PHTF2: variants seen among roughly 807,000 people sequenced by gnomAD.
PHTF2 encodes protein PHTF2.
Under a neutral mutation model 101.2 loss-of-function variants are expected in PHTF2, and 60 were observed. That is an observed-to-expected ratio of 0.59 (90% CI 0.48 to 0.73). The LOEUF (loss-of-function observed/expected upper bound fraction) is 0.73, where lower values mean the gene tolerates loss of function less well. Ranked by LOEUF, PHTF2 falls within the 30% of genes least tolerant of loss-of-function variation. The pLI, the probability that PHTF2 is intolerant of heterozygous loss-of-function variation, is 0.00. For synonymous variants in PHTF2, 311 were observed against 307.3 expected, an observed-to-expected ratio of 1.01 and a Z score of -0.13; for missense variants, 747 against 908.7, an observed-to-expected ratio of 0.82 and a Z score of 2.29.
intron 1 of PHTF2, among the ~76,000 whole-genome samples, chr7:77,824,430 G>A (rs1463031714): frequency 4.6e-5 from 7 of 152,094 alleles, no homozygotes; most frequent in Admixed American, 2.0e-4. Context: ...GCTGTTGTTA[G>A]TTTAGAATCT....
At chr7:77,896,046 T>G (rs1800845877) in intron 5 of PHTF2, 1 of 152,208 alleles carries the variant, frequency 6.6e-6, no homozygotes, top group African/African-American at 2.4e-5. Flanking sequence ...TCATTATTTT[T>G]TTTTCCTTTT....
intron 5 of PHTF2, chr7:77,895,157 T>G (rs1302859980): frequency 1.1e-5 from 5 of 455,922 alleles, no homozygotes; most frequent in Non-Finnish European, 2.2e-5. Flanking sequence ...GGAGGGACAT[T>G]TGAGAGTTCT....
intron 3 of PHTF2, among the ~76,000 whole-genome samples, chr7:77,856,702 T>C (rs1797213408): frequency 6.6e-6 from 1 of 152,160 alleles, no homozygotes; most frequent in Non-Finnish European, 1.5e-5. Flanking sequence ...CTTGCCGTTA[T>C]TCCCTAAACA....
rs566700053 is a variant in PHTF2, at chr7:77,821,444, C to T, written c.-35-18777C>T. 3.3e-5 allele frequency among the ~76,000 whole-genome samples: 5 copies of T among 152,138 alleles called. No individual in the cohort carries two copies. In the East Asian group the frequency reaches 9.7e-4, roughly 30 times the overall value. ...TATGTTTCCTTACCTTTTCCCTTCT[C>T]TTCTGCTTGGCTGGCCTGTGGATGT... is the stretch of plus-strand genomic sequence containing the variant. On this transcript the variant is annotated intron_variant, in intron 1 of 19. Coordinates refer to ENST00000416283, the Ensembl canonical transcript of PHTF2.
At chr7:77,836,734 T>C (rs546615020) in intron 1 of PHTF2, among the ~76,000 whole-genome samples, 120 of 151,410 alleles carry the variant, frequency 7.9e-4, no homozygotes, top group African/African-American at 2.7e-3. Flanking sequence ...AACCAAATGC[T>C]GCATGTTCTC....
chr7:77,839,694 A>G (rs1421316922), intron 1 of PHTF2, among the ~76,000 whole-genome samples: 2 of 151,976 alleles, frequency 1.3e-5, no homozygotes, highest in Non-Finnish European at 1.5e-5. Context: ...CTGTGTATTA[A>G]CTCTAATATT....
intron 3 of PHTF2, among the ~76,000 whole-genome samples, chr7:77,882,614 G>A (rs926470196): frequency 1.3e-5 from 2 of 152,050 alleles, no homozygotes; most frequent in African/African-American, 2.4e-5. Context: ...AGGTCTTCCC[G>A]AAATAACACT....
intron 12 of PHTF2, among the ~76,000 whole-genome samples, chr7:77,934,408 G>A (rs1167928353): frequency 6.6e-6 from 1 of 152,150 alleles, no homozygotes; most frequent in African/African-American, 2.4e-5. Flanking sequence ...TAAGTGTAAA[G>A]CTTTAAATGG....
intron 1 of PHTF2, among the ~76,000 whole-genome samples, chr7:77,815,967 C>T (rs1373411890): frequency 6.6e-6 from 1 of 152,042 alleles, no homozygotes. Context: ...TATGCGTTTG[C>T]TGTCATTTCA....
In PHTF2 at chr7:77,920,285, G is replaced by A. The variant is rs371590586; in HGVS notation, c.783G>A (p.Lys261=). 2.6e-5 allele frequency: 41 copies of A among 1,564,992 alleles called. No individual in the cohort carries two copies. In the South Asian group the frequency reaches 4.0e-4, roughly 15 times the overall value. ...TGCATATTTTAATTTTTAGATCAAA[G>A]AAAGCAAAGAATTCAATTGATAAAT... Residue 261 remains lysine (K), a synonymous_variant, in exon 10 of 20, where the codon AAG becomes AAA. Coordinates refer to ENST00000416283, the Ensembl canonical transcript of PHTF2.
intron 1 of PHTF2, among the ~76,000 whole-genome samples, chr7:77,811,059 G>A (rs186392727): frequency 2.8e-4 from 42 of 151,712 alleles, no homozygotes; most frequent in African/African-American, 9.9e-4. Context: ...CCACCACCAT[G>A]CCCAGCTAAT....
In PHTF2 at chr7:77,852,642, C is replaced by T. The variant is rs948575237; in HGVS notation, c.46-2091C>T. Among the ~76,000 whole-genome samples the T allele has an allele frequency of 6.6e-5, 10 of 152,120 alleles. No individual in the cohort carries two copies. The East Asian group carries it at 1.9e-3, about 29-fold the overall frequency. ...TTTATATATCACAAATACAGTGTTA[C>T]AATATTCTGTGTTTGTCTGTGTACT... On this transcript the variant is annotated intron_variant, in intron 2 of 19. Transcript: ENST00000416283.
intron 3 of PHTF2, among the ~76,000 whole-genome samples, chr7:77,865,855 A>G (rs1052613899): frequency 2.0e-5 from 3 of 152,012 alleles, no homozygotes; most frequent in Admixed American, 6.6e-5. Flanking sequence ...TTGAGTTGTC[A>G]AATCTGTGAA....
At chr7:77,904,745 T>C (rs1462924102) in intron 7 of PHTF2, among the ~76,000 whole-genome samples, 1 of 152,252 alleles carries the variant, frequency 6.6e-6, no homozygotes, top group Non-Finnish European at 1.5e-5. Context: ...TACCTCCTTA[T>C]AGGCCCTGTC....
At chr7:77,861,634 G>A (rs1238544610) in intron 3 of PHTF2, among the ~76,000 whole-genome samples, 1 of 152,128 alleles carries the variant, frequency 6.6e-6, no homozygotes, top group African/African-American at 2.4e-5. Flanking sequence ...AGAATTGTAG[G>A]TAAATAGGCC....
At chr7:77,894,491 A>T (rs996862903) in intron 5 of PHTF2, among the ~76,000 whole-genome samples, 1 of 152,202 alleles carries the variant, frequency 6.6e-6, no homozygotes, top group East Asian at 1.9e-4. Flanking sequence ...GTTAATGTTT[A>T]GACTACTTAG....
At chr7:77,841,882 TTTTCTC>T (rs1460522794) in intron 2 of PHTF2, among the ~76,000 whole-genome samples, 10 of 152,306 alleles carry the variant, frequency 6.6e-5, no homozygotes, top group African/African-American at 1.9e-4. Flanking sequence ...CTTTGAAAGT[TTTTCTC>T]TTTCCTAATT....
chr7:77,867,866 A>C (rs1798193214), intron 3 of PHTF2, among the ~76,000 whole-genome samples: 1 of 152,196 alleles, frequency 6.6e-6, no homozygotes, highest in Non-Finnish European at 1.5e-5. Context: ...TCCTTTACAT[A>C]CGATCTTTTG....
chr7:77,815,270 T>A (rs1050205424), intron 1 of PHTF2, among the ~76,000 whole-genome samples: 7 of 152,138 alleles, frequency 4.6e-5, no homozygotes, highest in African/African-American at 1.4e-4. Context: ...TTTGTGCATA[T>A]CTGTAAATGA....
Sources: allele counts gnomAD v4.1 joint callset (sites outside exome capture counted in the v4.1 genomes callset), GRCh38; gene constraint gnomAD v4.1.1; transcripts MANE v1.5; gene names NCBI Gene and HGNC (gene_info 2026-07-23, HGNC 2026-07-21).